Variants in PROS1 observed in about 807,000 individuals in gnomAD.
PROS1 encodes protein S.
PROS1 carries 29 observed loss-of-function variants against 75.9 expected under a neutral mutation model. The ratio of observed to expected loss-of-function variants is 0.38; its 90% CI spans 0.28 to 0.52. The LOEUF (loss-of-function observed/expected upper bound fraction) is 0.52. PROS1 is among the 20% of genes least tolerant of loss of function. The pLI is 0.83. For synonymous variants in PROS1, 245 were observed against 280.6 expected (o/e 0.87, Z 1.27); for missense variants, 680 against 810.3 (o/e 0.84, Z 1.95).
intron 12 of PROS1, among the ~76,000 whole-genome samples, chr3:93,882,186 TA>T (rs1369048537): frequency 2.6e-5 from 4 of 152,196 alleles, no homozygotes; most frequent in Non-Finnish European, 5.9e-5. Context: ...TATTAATTGA[TA>T]AAAGATTTTT....
At chr3:93,945,723 G>A (rs1000130908) in intron 1 of PROS1, among the ~76,000 whole-genome samples, 9 of 152,256 alleles carry the variant, frequency 5.9e-5, no homozygotes, top group Middle Eastern at 3.4e-3. Flanking sequence ...GGCAAAAATG[G>A]AAGCACTCCC....
At chr3:93,959,028 T>C (rs1709657245) in intron 1 of PROS1, among the ~76,000 whole-genome samples, 1 of 152,222 alleles carries the variant, frequency 6.6e-6, no homozygotes, top group African/African-American at 2.4e-5. Context: ...ACTTTTGTAA[T>C]TTAAAGTTGA....
intron 1 of PROS1, among the ~76,000 whole-genome samples, chr3:93,944,375 A>G (rs750822530): frequency 3.9e-5 from 6 of 152,180 alleles, no homozygotes; most frequent in Non-Finnish European, 7.4e-5. Flanking sequence ...CATTCTTCTC[A>G]GCACCACATC....
rs757691694 is a variant in PROS1 at position 93,879,250 on chromosome 3, G to C, written c.1557C>G (p.Gly519=). 3 of 1,614,094 alleles carry C rather than the reference G, an allele frequency of 1.9e-6. No homozygotes were observed. Among genetic ancestry groups the C allele is most frequent in the Non-Finnish European group, 1.7e-6 (2 of 1,179,960 alleles). The stretch of plus-strand genomic sequence containing the variant: ...AAACCAAGGCAAGCATAACACCAGT[G>C]CCCGTGGATGGACGAATATTCAAGG... ...NVTLNIRPST[G]TGVMLALVSG... Residue 519 remains glycine (G), a synonymous_variant, in exon 13 of 15, where the codon GGC becomes GGG. Coordinates refer to ENST00000394236, the MANE Select transcript of PROS1 (RefSeq NM_000313.4).
intron 3 of PROS1, among the ~76,000 whole-genome samples, chr3:93,916,857 T>G (rs749700660): frequency 3.3e-5 from 5 of 152,218 alleles, no homozygotes; most frequent in Non-Finnish European, 5.9e-5. Context: ...CAAACTGGTT[T>G]CCTTTTGCCG....
At chr3:93,913,137 G>A (rs779391580) in intron 3 of PROS1, among the ~76,000 whole-genome samples, 1 of 152,080 alleles carries the variant, frequency 6.6e-6, no homozygotes, top group Non-Finnish European at 1.5e-5. Context: ...GATAGTGAGT[G>A]AGTTCTCATG....
Position 93,896,740 on chromosome 3 carries a change from G to C in PROS1, c.850-49C>G, listed in dbSNP as rs1475648943. On this transcript the variant is annotated intron_variant, in intron 8 of 14. Coordinates refer to ENST00000394236, the MANE Select transcript of PROS1 (RefSeq NM_000313.4). ...ACAACAAGAAAATCAAAATGCACAG[G>C]TTATTGCTTAATGTTTGTGTGAGGT... is the stretch of plus-strand genomic sequence containing the variant. 2.2e-6 allele frequency: 3 copies of C among 1,356,608 alleles called. No homozygotes were observed. The African/African-American group carries it at 4.3e-5, about 19-fold the overall frequency. 84.0% of individuals were successfully genotyped at this position (1,356,608 alleles called of 1,614,324 possible). A position where few individuals can be genotyped will look rare whatever the true frequency, so the allele number is the denominator to read the frequency against.
rs142846443 is a variant in PROS1, at chr3:93,877,074, T to C, written c.1762A>G (p.Thr588Ala). 703 of 1,613,310 alleles carry C rather than the reference T, an allele frequency of 4.4e-4. 3 individuals are homozygous for C. Among genetic ancestry groups the C allele is most frequent in the Middle Eastern group, 3.3e-4 (2 of 6,082 alleles). Residue 588 changes from threonine (T) to alanine (A), a missense_variant, in exon 14 of 15, where the codon ACA becomes GCA. Transcript: ENST00000394236. ...RVNRNNLELS[T>A]PLKIETISHE... Reference sequence around the variant, plus strand: ...GAGATGGTTTCTATTTTAAGTGGTGTCGACAACTCCAGATTGTTTCTGTTG... The same window carrying C: ...GAGATGGTTTCTATTTTAAGTGGTGCCGACAACTCCAGATTGTTTCTGTTG...
At chr3:93,965,486 G>A (rs1238367116) in intron 1 of PROS1, among the ~76,000 whole-genome samples, 3 of 152,068 alleles carry the variant, frequency 2.0e-5, no homozygotes, top group Non-Finnish European at 2.9e-5. Context: ...TCTCTTCTGT[G>A]ACCCAAGGCT....
At chr3:93,943,674 A>C (rs1182826800) in intron 1 of PROS1, among the ~76,000 whole-genome samples, 3 of 152,234 alleles carry the variant, frequency 2.0e-5, no homozygotes, top group Non-Finnish European at 4.4e-5. Context: ...TAATATAAGA[A>C]GACAGGAATG....
chr3:93,882,899 G>C (rs1708293260), intron 12 of PROS1, among the ~76,000 whole-genome samples: 1 of 152,160 alleles, frequency 6.6e-6, no homozygotes, highest in Non-Finnish European at 1.5e-5. Context: ...TTTCAAGCCA[G>C]GAGAAAGGCA....
chr3:93,963,746 T>C (rs1271802683), intron 1 of PROS1, among the ~76,000 whole-genome samples: 1 of 152,026 alleles, frequency 6.6e-6, no homozygotes, highest in Non-Finnish European at 1.5e-5. Context: ...CACGTGAACC[T>C]CTGTGAATCT....
chr3:93,920,452 A>C (rs915139737), intron 3 of PROS1, among the ~76,000 whole-genome samples: 7 of 152,134 alleles, frequency 4.6e-5, no homozygotes, highest in African/African-American at 1.4e-4. Flanking sequence ...GAATGCTATC[A>C]TCTTTTTAAT....
chr3:93,964,626 C>A (rs1709760182), intron 1 of PROS1, among the ~76,000 whole-genome samples: 1 of 152,148 alleles, frequency 6.6e-6, no homozygotes, highest in South Asian at 2.1e-4. Flanking sequence ...ATCAGTAATT[C>A]TGCTTTTGCC....
chr3:93,929,945 A>C lies in PROS1; in HGVS notation c.77-2538T>G, dbSNP rs35598661. Among the ~76,000 whole-genome samples, 4 of 152,216 alleles carry C rather than the reference A, an allele frequency of 2.6e-5. No individual in the cohort carries two copies. The South Asian group carries it at 8.3e-4, about 32-fold the overall frequency. ...TTTCTTGTCTCTTATTACCTGGTAA[A>C]CAATAAGCAATAAATACTCAAAAGT... On this transcript the variant is annotated intron_variant, in intron 1 of 14. Coordinates refer to ENST00000394236, the MANE Select transcript of PROS1 (RefSeq NM_000313.4).
intron 6 of PROS1, among the ~76,000 whole-genome samples, chr3:93,904,710 C>A (rs1212790321): frequency 6.6e-6 from 1 of 151,650 alleles, no homozygotes; most frequent in Non-Finnish European, 1.5e-5. Context: ...ATTTTAAGTC[C>A]AGGTGGGAAA....
At chr3:93,929,410 GGTCAAGGCTATA>G (rs1361981009) in intron 1 of PROS1, among the ~76,000 whole-genome samples, 1 of 151,984 alleles carries the variant, frequency 6.6e-6, no homozygotes, top group Non-Finnish European at 1.5e-5. Flanking sequence ...GCCTGTGGGG[GGTCAAGGCTATA>G]GTCAGCTATG....
At chr3:93,914,318 G>T (rs150073780) in intron 3 of PROS1, among the ~76,000 whole-genome samples, 108 of 152,348 alleles carry the variant, frequency 7.1e-4, no homozygotes, top group African/African-American at 2.5e-3. Flanking sequence ...AATCTAGGTG[G>T]AGGCCACCTT....
chr3:93,909,827 T>G (rs1262185928), intron 4 of PROS1, among the ~76,000 whole-genome samples: 1 of 152,124 alleles, frequency 6.6e-6, no homozygotes. Flanking sequence ...TTTTTTGAAA[T>G]GTGGCAATAC....
Sources: allele counts gnomAD v4.1 joint callset (sites outside exome capture counted in the v4.1 genomes callset), GRCh38; gene constraint gnomAD v4.1.1; transcripts MANE v1.5; gene names NCBI Gene and HGNC (gene_info 2026-07-23, HGNC 2026-07-21).